Variants in FAM162A observed in about 807,000 individuals in gnomAD.
FAM162A encodes the protein protein FAM162A.
In FAM162A, 23 loss-of-function variants were observed where a neutral mutation model predicts 21.8. The observed-to-expected ratio is 1.05, with a 90% confidence interval of 0.76 to 1.49. The LOEUF (loss-of-function observed/expected upper bound fraction) is 1.49. Among genes scored for constraint, FAM162A ranks in the 40% most tolerant of loss-of-function variants. The pLI, the probability that FAM162A is intolerant of heterozygous loss-of-function variation, is 0.00. For missense variants in FAM162A, 165 were observed against 186.4 expected (o/e 0.89, Z 0.67); for synonymous variants, 53 against 61.3 (o/e 0.86, Z 0.64).
chr3:122,404,281 C>T lies in FAM162A; in HGVS notation c.181C>T (p.His61Tyr), dbSNP rs1576252537. 1.2e-6 allele frequency: 2 copies of T among 1,603,724 alleles called. No individual in the cohort carries two copies. The highest frequency in any genetic ancestry group is 1.7e-6 in the Non-Finnish European group (2 of 1,175,148). The stretch of plus-strand genomic sequence containing the variant: ...AGGCACTTACAACAGAGTGCCTTTA[C>T]ACAAACCTACGGATTGGCAGAAAAA... ...PSRTYNRVPLHKPTDWQKKIL... is the reference protein window; with the variant it reads ...PSRTYNRVPLYKPTDWQKKIL... Residue 61 changes from histidine to tyrosine, a missense_variant, in exon 3 of 5, where the codon CAC becomes TAC. His to Tyr is a moderately conservative substitution (Grantham distance 83, BLOSUM62 2). Transcript: ENST00000477892.
intron 1 of FAM162A, among the ~76,000 whole-genome samples, chr3:122,400,370 AGGGGGTG>A (rs1424293691): frequency 1.4e-5 from 2 of 140,472 alleles, no homozygotes; most frequent in Non-Finnish European, 3.0e-5. Flanking sequence ...AGGGCCTGTC[AGGGGGTG>A]GGGGTTTAGG....
In FAM162A at chr3:122,402,835, T is replaced by G; in HGVS notation, c.110T>G (p.Ile37Arg). The change falls in exon 2 of 5, where the codon ATA becomes AGA. Residue 37 changes from isoleucine to arginine, a missense_variant. By Grantham distance (97) the Ile-to-Arg change is moderately conservative. Coordinates refer to ENST00000477892, the MANE Select transcript of FAM162A (RefSeq NM_014367.4). ...RLTRSSDLKR[I>R]NGFCTKPQES... is the part of the protein sequence containing the mutation. ...ACCAGAAGCTCTGATTTGAAGAGAA[T>G]AAATGGATTTTGCACAAAACCACAG... The G allele has an allele frequency of 6.2e-7, 1 of 1,605,604 alleles. No homozygotes were observed. The highest frequency in any genetic ancestry group is 8.5e-7 in the Non-Finnish European group (1 of 1,176,452).
At chr3:122,402,716 T>TTTTA in intron 1 of FAM162A, 44 bp from the exon 2 acceptor site, 5 of 1,466,468 alleles carry the variant, frequency 3.4e-6, no homozygotes, top group Non-Finnish European at 4.5e-6. Flanking sequence ...AAACATCACA[T>TTTTA]TTTCTTTCTT....
chr3:122,389,390 GATAGATA>G (rs1163678443), intron 1 of FAM162A, among the ~76,000 whole-genome samples: 51 of 47,126 alleles, frequency 1.1e-3, no homozygotes, highest in African/African-American at 3.3e-3. Context: ...TGGATAGATA[GATAGATA>G]GATAGATAGA....
Position 122,410,115 on chromosome 3 carries a change from TCTTA to T in FAM162A, c.*288_*291del. 1.3e-5 allele frequency: 5 copies of T among 397,798 alleles called. No individual in the cohort carries two copies. Among genetic ancestry groups the T allele is most frequent in the South Asian group, 1.1e-4 (5 of 47,136 alleles). The allele number at this position is 397,798 out of a possible 1,614,324, so 24.6% of individuals were successfully genotyped here. A position where few individuals can be genotyped will look rare whatever the true frequency, so the allele number is the denominator to read the frequency against. Reference sequence around the variant, plus strand: ...ACTCTTCAGAGAAGCAGGTACCATATCTTACTTCTCTTCCCATTATCAAAGTAAC... The same window carrying T: ...ACTCTTCAGAGAAGCAGGTACCATATCTTCTCTTCCCATTATCAAAGTAAC... On this transcript the variant is annotated 3_prime_UTR_variant, in exon 5 of 5. Coordinates refer to ENST00000477892, the MANE Select transcript of FAM162A (RefSeq NM_014367.4).
chr3:122,390,217 G>A (rs2075595800), intron 1 of FAM162A, among the ~76,000 whole-genome samples: 1 of 152,166 alleles, frequency 6.6e-6, no homozygotes, highest in South Asian at 2.1e-4. Flanking sequence ...TGGAAAATAA[G>A]GATAAGTTTG....
rs762309987 is a variant in FAM162A, at chr3:122,409,734, T to G, written c.373-5T>G. ...AATCACCTGTTCAAATCTGTTTTGC[T>G]TTAGGCTGCCCAAAGACACGAGACT... On this transcript the variant is annotated splice_polypyrimidine_tract_variant and splice_region_variant and intron_variant, in intron 4 of 4. Coordinates refer to ENST00000477892, the MANE Select transcript of FAM162A (RefSeq NM_014367.4). 6.2e-7 allele frequency: 1 copy of G among 1,613,998 alleles called. No individual in the cohort carries two copies. Among genetic ancestry groups the G allele is most frequent in the South Asian group, 1.1e-5 (1 of 91,078 alleles).
At chr3:122,399,369 G>C (rs2075643164) in intron 1 of FAM162A, among the ~76,000 whole-genome samples, 1 of 151,934 alleles carries the variant, frequency 6.6e-6, no homozygotes, top group African/African-American at 2.4e-5. Flanking sequence ...TCTTGCCCAG[G>C]TTGGAGTGCA....
intron 1 of FAM162A, among the ~76,000 whole-genome samples, chr3:122,388,616 G>T (rs73188310): frequency 0.019 from 2,836 of 152,254 alleles, 57 homozygotes; most frequent in South Asian, 0.088. Context: ...TGGTCATAGA[G>T]GTTGGAGATG....
At chr3:122,389,063 T>G (rs184200871) in intron 1 of FAM162A, among the ~76,000 whole-genome samples, 8 of 147,150 alleles carry the variant, frequency 5.4e-5, no homozygotes, top group Admixed American at 5.4e-4. Context: ...AAAAAAAAAA[T>G]GTATTCATAT....
intron 1 of FAM162A, among the ~76,000 whole-genome samples, chr3:122,395,209 G>A (rs956543322): frequency 2.6e-5 from 4 of 152,164 alleles, no homozygotes; most frequent in African/African-American, 9.7e-5. Flanking sequence ...GACATGACAA[G>A]GATGTCCATT....
intron 1 of FAM162A, among the ~76,000 whole-genome samples, chr3:122,395,188 G>A (rs1311722969): frequency 6.6e-6 from 1 of 152,148 alleles, no homozygotes; most frequent in Non-Finnish European, 1.5e-5. Context: ...GGCTGAATGC[G>A]TTTCCCCCAT....
intron 1 of FAM162A, 86 bp downstream of exon 1, chr3:122,384,385 G>A (rs745447876): frequency 1.8e-5 from 26 of 1,463,088 alleles, no homozygotes; most frequent in Non-Finnish European, 2.0e-5. Flanking sequence ...CTGGGCCCCG[G>A]AGTGGCTCCA....
rs527473379 is a variant in FAM162A, at chr3:122,398,874, T to G, written c.35-3886T>G. Reference sequence around the variant, plus strand: ...GGATGAACTAATATAATATTTGGGATTTGCTTTAAAACAATCTAGTAAGGG... The same window carrying G: ...GGATGAACTAATATAATATTTGGGAGTTGCTTTAAAACAATCTAGTAAGGG... On this transcript the variant is annotated intron_variant, in intron 1 of 4. Transcript: ENST00000477892. 3.2e-4 allele frequency among the ~76,000 whole-genome samples: 49 copies of G among 152,318 alleles called. 1 individual carries two copies. In the South Asian group the frequency reaches 9.7e-3, roughly 30 times the overall value.
intron 1 of FAM162A, among the ~76,000 whole-genome samples, chr3:122,391,464 T>C (rs944828127): frequency 1.3e-5 from 2 of 152,252 alleles, no homozygotes; most frequent in African/African-American, 4.8e-5. Context: ...TTTACATTAG[T>C]CTATTATTCT....
intron 1 of FAM162A, among the ~76,000 whole-genome samples, chr3:122,392,688 C>T (rs924876417): frequency 2.6e-5 from 4 of 152,130 alleles, no homozygotes; most frequent in Admixed American, 1.3e-4. Flanking sequence ...CTGATTCACA[C>T]CAAACACTAA....
chr3:122,402,733 T>G, intron 1 of FAM162A, 27 bp from the exon 2 acceptor site: 1 of 1,501,056 alleles, frequency 6.7e-7, no homozygotes, highest in Non-Finnish European at 8.9e-7. Context: ...TCTTTCTTTC[T>G]TTGAAACATT....
At chr3:122,385,057 C>T (rs1156298670) in intron 1 of FAM162A, among the ~76,000 whole-genome samples, 1 of 151,826 alleles carries the variant, frequency 6.6e-6, no homozygotes. Context: ...TTCTGGGTAC[C>T]AGAGATCTTT....
At chr3:122,390,457 A>G (rs1267477254) in intron 1 of FAM162A, among the ~76,000 whole-genome samples, 1 of 152,226 alleles carries the variant, frequency 6.6e-6, no homozygotes, top group Non-Finnish European at 1.5e-5. Flanking sequence ...CACATCACCT[A>G]TGGTTTTCTC....
Sources: gnomAD v4.1 joint callset for allele counts (sites outside exome capture counted in the v4.1 genomes callset) on GRCh38, gnomAD v4.1.1 for gene constraint, MANE v1.5 for transcripts, NCBI Gene and HGNC (gene_info 2026-07-23, HGNC 2026-07-21) for gene names.